Variants in CSMD1 observed in about 807,000 individuals in gnomAD.
The protein encoded by CSMD1 is CUB and sushi domain-containing protein 1.
CSMD1 carries 213 observed loss-of-function variants against 417.5 expected under a neutral mutation model. The ratio of observed to expected loss-of-function variants is 0.51; its 90% CI spans 0.46 to 0.57. CSMD1 has a LOEUF of 0.57. Among genes scored for constraint, CSMD1 ranks in the 20% least tolerant of loss-of-function variants. The pLI is 0.00. For synonymous variants in CSMD1, 2,862 were observed against 1,736.8 expected (o/e 1.65, Z -16.11); for missense variants, 6,923 against 4,529.7 (o/e 1.53, Z -15.17).
chr8:3,408,588 G>A (rs946088174), intron 13 of CSMD1, among the ~76,000 whole-genome samples: 1 of 151,230 alleles, frequency 6.6e-6, no homozygotes, highest in African/African-American at 2.5e-5. Flanking sequence ...TATATCATAG[G>A]AACAATTCAG....
intron 1 of CSMD1, among the ~76,000 whole-genome samples, chr8:4,892,669 T>A (rs1056770131): frequency 6.6e-6 from 1 of 152,084 alleles, no homozygotes; most frequent in Non-Finnish European, 1.5e-5. Flanking sequence ...CAGACTTATG[T>A]TTTCTATGCA....
chr8:4,009,188 G>A (rs1047617065), intron 4 of CSMD1, among the ~76,000 whole-genome samples: 1 of 152,150 alleles, frequency 6.6e-6, no homozygotes, highest in African/African-American at 2.4e-5. Context: ...ATTTCTGTAG[G>A]TTGGGAAAAT....
At chr8:4,801,337 A>G (rs1725445314) in intron 1 of CSMD1, among the ~76,000 whole-genome samples, 1 of 152,150 alleles carries the variant, frequency 6.6e-6, no homozygotes, top group East Asian at 1.9e-4. Flanking sequence ...GATGTGAGCT[A>G]TAAATTGCTG....
chr8:3,797,298 G>A (rs1235888021), intron 5 of CSMD1, among the ~76,000 whole-genome samples: 3 of 151,830 alleles, frequency 2.0e-5, no homozygotes, highest in Non-Finnish European at 2.9e-5. Flanking sequence ...TCCAGGAAAC[G>A]CACATGTCTT....
intron 2 of CSMD1, among the ~76,000 whole-genome samples, chr8:4,630,299 C>G (rs1257013618): frequency 3.3e-5 from 5 of 151,468 alleles, no homozygotes; most frequent in Non-Finnish European, 7.4e-5. Context: ...CACACACACA[C>G]ACACACTCTC....
chr8:4,530,549 A>T, intron 2 of CSMD1, among the ~76,000 whole-genome samples: 1 of 148,450 alleles, frequency 6.7e-6, no homozygotes, highest in Non-Finnish European at 1.5e-5. Flanking sequence ...CCGTGCCCAT[A>T]TGTTCTCATT....
intron 4 of CSMD1, among the ~76,000 whole-genome samples, chr8:4,002,292 G>A (rs368756390): frequency 6.6e-6 from 1 of 152,082 alleles, no homozygotes; most frequent in Non-Finnish European, 1.5e-5. Flanking sequence ...CTATAGTGCT[G>A]TAAGTACTTC....
chr8:4,810,588 T>C (rs752689128), intron 1 of CSMD1, among the ~76,000 whole-genome samples: 4 of 152,220 alleles, frequency 2.6e-5, no homozygotes, highest in Non-Finnish European at 5.9e-5. Context: ...GCTGTGTGTC[T>C]GTATAATTGC....
intron 4 of CSMD1, among the ~76,000 whole-genome samples, chr8:3,999,994 T>A (rs1462092797): frequency 6.6e-6 from 1 of 152,242 alleles, no homozygotes; most frequent in East Asian, 1.9e-4. Flanking sequence ...CGGTAGTGTT[T>A]CCTTTTAAAA....
chr8:4,035,899 C>A (rs182842602), intron 3 of CSMD1, among the ~76,000 whole-genome samples: 1 of 152,318 alleles, frequency 6.6e-6, no homozygotes, highest in African/African-American at 2.4e-5. Flanking sequence ...TCACCCCTCA[C>A]TCACACACAG....
chr8:4,699,795 C>G (rs891189691), intron 1 of CSMD1, among the ~76,000 whole-genome samples: 2 of 152,316 alleles, frequency 1.3e-5, no homozygotes, highest in South Asian at 4.1e-4. Context: ...GGTGCTTGAA[C>G]TCACCTAAAG....
At chr8:4,114,472 A>T (rs1269985402) in intron 3 of CSMD1, among the ~76,000 whole-genome samples, 1 of 152,204 alleles carries the variant, frequency 6.6e-6, no homozygotes, top group African/African-American at 2.4e-5. Context: ...TAAAGAGATT[A>T]ATGTTGTCTT....
intron 49 of CSMD1, among the ~76,000 whole-genome samples, chr8:3,053,461 C>A (rs922278509): frequency 4.6e-5 from 7 of 152,090 alleles, no homozygotes; most frequent in African/African-American, 9.7e-5. Flanking sequence ...TTCCCCAATT[C>A]ATTTTCCCTA....
chr8:3,712,283 T>C (rs949566209), intron 6 of CSMD1, among the ~76,000 whole-genome samples: 4 of 152,154 alleles, frequency 2.6e-5, no homozygotes, highest in African/African-American at 9.6e-5. Flanking sequence ...TTTTGGGTTC[T>C]CCTCTTTTCT....
chr8:2,963,191 T>C (rs376719353), intron 60 of CSMD1, 31 bp downstream of exon 60: 61 of 1,610,640 alleles, frequency 3.8e-5, no homozygotes, highest in Middle Eastern at 3.3e-4. Flanking sequence ...AGACCTGCAG[T>C]GGGCGGAACA....
intron 5 of CSMD1, among the ~76,000 whole-genome samples, chr8:3,986,658 G>C (rs975170492): frequency 6.6e-6 from 1 of 152,074 alleles, no homozygotes. Flanking sequence ...CTTATACCAT[G>C]AGATATGAGG....
At chr8:4,475,237 T>A (rs1800736762) in intron 2 of CSMD1, among the ~76,000 whole-genome samples, 1 of 152,314 alleles carries the variant, frequency 6.6e-6, no homozygotes, top group South Asian at 2.1e-4. Context: ...ATACTGTTTA[T>A]CTATTTCCTC....
At chr8:4,135,207 C>T (rs751544311) in intron 3 of CSMD1, among the ~76,000 whole-genome samples, 1 of 152,012 alleles carries the variant, frequency 6.6e-6, no homozygotes, top group Non-Finnish European at 1.5e-5. Flanking sequence ...TCAGGACCAA[C>T]AATGTTGAGA....
chr8:3,412,697 C>A (rs1364827935), intron 12 of CSMD1, among the ~76,000 whole-genome samples: 1 of 152,192 alleles, frequency 6.6e-6, no homozygotes, highest in Middle Eastern at 3.2e-3. Flanking sequence ...TCTACGAAAG[C>A]AAAATGTTCC....
Sources: gnomAD v4.1 joint callset for allele counts (sites outside exome capture counted in the v4.1 genomes callset) on GRCh38, gnomAD v4.1.1 for gene constraint, MANE v1.5 for transcripts, NCBI Gene and HGNC (gene_info 2026-07-23, HGNC 2026-07-21) for gene names.